Variants in HGSNAT observed in about 807,000 individuals in gnomAD.
HGSNAT encodes transmembrane protein 76.
Under a neutral mutation model 85.2 loss-of-function variants are expected in HGSNAT, and 59 were observed. The ratio of observed to expected loss-of-function variants is 0.69; its 90% CI spans 0.56 to 0.86. HGSNAT has a LOEUF of 0.86. Ranked by LOEUF, HGSNAT falls within the 40% of genes least tolerant of loss-of-function variation. The pLI is 0.00. For synonymous variants in HGSNAT, 321 were observed against 304.5 expected (o/e 1.05, Z -0.56); for missense variants, 756 against 777.1 (o/e 0.97, Z 0.32).
intron 13 of HGSNAT, among the ~76,000 whole-genome samples, chr8:43,193,505 G>T (rs1057035593): frequency 3.3e-5 from 5 of 152,198 alleles, no homozygotes; most frequent in African/African-American, 7.2e-5. Flanking sequence ...TGCCCCCGCT[G>T]CAATCACAGT....
intron 15 of HGSNAT, 128 bp downstream of exon 15, chr8:43,197,153 C>A: frequency 1.5e-6 from 1 of 671,062 alleles, no homozygotes; most frequent in Non-Finnish European, 2.7e-6. Flanking sequence ...ATTTTCTTCA[C>A]TTGAATAACA....
rs143241809 is a variant in HGSNAT at position 43,153,501 on chromosome 8, C to T, written c.235-5074C>T. Among the ~76,000 whole-genome samples, 130 of 152,156 alleles carry T rather than the reference C, an allele frequency of 8.5e-4. 1 individual carries two copies. The highest frequency in any genetic ancestry group is 1.7e-3 in the Non-Finnish European group (113 of 68,002). On this transcript the variant is annotated intron_variant, in intron 2 of 17. Transcript: ENST00000379644. ...AGCCACCGTGCCCAGCCAATGTACA[C>T]GTTGGGTAATGATCAAGTTAGGGTA...
At position 43,191,201 on chromosome 8, in the gene HGSNAT, A is replaced by G. The variant is rs114105087; in HGVS notation, c.1129-273A>G. 4.4e-3 allele frequency among the ~76,000 whole-genome samples: 667 copies of G among 152,272 alleles called. 8 individuals are homozygous for G. Among genetic ancestry groups the G allele is most frequent in the African/African-American group, 0.015 (639 of 41,548 alleles). On this transcript the variant is annotated intron_variant, in intron 11 of 17. Transcript: ENST00000379644. The stretch of plus-strand genomic sequence containing the variant: ...TTTTGCTGTTGTGAACAATGCTCCT[A>G]TATGTATGTGTACAAGTTTTTGTGT...
chr8:43,199,334 T>G, intron 17 of HGSNAT, 54 bp from the exon 18 acceptor site: 1 of 1,255,318 alleles, frequency 8.0e-7, no homozygotes, highest in Non-Finnish European at 1.1e-6. Flanking sequence ...AATAGATGGT[T>G]AGATGTGACT....
At chr8:43,165,227 T>C (rs1803397241) in intron 5 of HGSNAT, among the ~76,000 whole-genome samples, 2 of 152,096 alleles carry the variant, frequency 1.3e-5, no homozygotes, top group African/African-American at 2.4e-5. Context: ...ATATCTGTTA[T>C]GGTGATCTGT....
In HGSNAT at chr8:43,199,959, G is replaced by A. The variant is rs541493842; in HGVS notation, c.*390G>A. On this transcript the variant is annotated 3_prime_UTR_variant, in exon 18 of 18. Coordinates refer to ENST00000379644, the MANE Select transcript of HGSNAT (RefSeq NM_152419.3). ...GTTGCCCTGCAAACTTCCTTTCCAC[G>A]TGTACGCGCACACCAACACGAAATG... 6.7e-4 allele frequency: 106 copies of A among 158,480 alleles called. No individual in the cohort carries two copies. The Middle Eastern group carries it at 0.012, about 19-fold the overall frequency. The allele number at this position is 158,480 out of a possible 1,614,324, so 9.8% of individuals were successfully genotyped here. A position where few individuals can be genotyped will look rare whatever the true frequency, so the allele number is the denominator to read the frequency against.
chr8:43,168,892 C>T (rs182749194), intron 5 of HGSNAT, among the ~76,000 whole-genome samples: 203 of 152,234 alleles, frequency 1.3e-3, no homozygotes, highest in Middle Eastern at 6.8e-3. Flanking sequence ...ATCCCAGCCA[C>T]GGGGAATAGT....
At chr8:43,158,085 C>G (rs1212929026) in intron 2 of HGSNAT, among the ~76,000 whole-genome samples, 1 of 151,980 alleles carries the variant, frequency 6.6e-6, no homozygotes, top group Non-Finnish European at 1.5e-5. Flanking sequence ...CATAGTGACA[C>G]AGTGATTTTT....
Position 43,173,733 on chromosome 8 carries a change from G to A in HGSNAT, c.841G>A (p.Val281Met), listed in dbSNP as rs1287447019. 10 of 1,612,794 alleles carry A rather than the reference G, an allele frequency of 6.2e-6. No individual in the cohort carries two copies. Among genetic ancestry groups the A allele is most frequent in the South Asian group, 1.1e-5 (1 of 90,758 alleles). Residue 281 changes from valine to methionine, a missense_variant, in exon 9 of 18, where the codon GTG becomes ATG. Val to Met is a conservative substitution (Grantham distance 21). Coordinates refer to ENST00000379644, the MANE Select transcript of HGSNAT (RefSeq NM_152419.3). The part of the protein sequence containing the change: ...SWNGLTVADL[V>M]FPWFVFIMGS... ...TGCAGGGCTGACAGTGGCTGACCTC[G>A]TGTTCCCGTGGTGAGTTGCCGGTCT...
At chr8:43,195,513 G>A (rs1335640782) in intron 14 of HGSNAT, among the ~76,000 whole-genome samples, 1 of 148,296 alleles carries the variant, frequency 6.7e-6, no homozygotes, top group Non-Finnish European at 1.5e-5. Flanking sequence ...GGAGGAGGAG[G>A]AGGAAGAAGA....
At chr8:43,172,813 A>G (rs1405411761) in intron 8 of HGSNAT, among the ~76,000 whole-genome samples, 1 of 152,184 alleles carries the variant, frequency 6.6e-6, no homozygotes, top group East Asian at 1.9e-4. Context: ...GTGGTGAATA[A>G]TATCTGTAAG....
At chr8:43,156,076 G>A (rs546892649) in intron 2 of HGSNAT, among the ~76,000 whole-genome samples, 198 of 152,204 alleles carry the variant, frequency 1.3e-3, no homozygotes, top group African/African-American at 4.6e-3. Context: ...CTGACCTCAG[G>A]TGATCTGCCA....
chr8:43,197,067 A>G (rs1310763346), intron 15 of HGSNAT, 42 bp downstream of exon 15: 2 of 1,282,180 alleles, frequency 1.6e-6, no homozygotes, highest in Non-Finnish European at 2.3e-6. Flanking sequence ...TTTCCTTCAC[A>G]TGTATAGATA....
In HGSNAT at chr8:43,202,140, C is replaced by G. The variant is rs1424666548; in HGVS notation, c.*2571C>G. The G allele has an allele frequency of 6.5e-6, 1 of 152,864 alleles. No individual in the cohort carries two copies. The allele number at this position is 152,864 out of a possible 1,614,324, so 9.5% of individuals were successfully genotyped here. On this transcript the variant is annotated 3_prime_UTR_variant, in exon 18 of 18. Coordinates refer to ENST00000379644, the MANE Select transcript of HGSNAT (RefSeq NM_152419.3). Reference sequence around the variant, plus strand: ...GGGCTACAGGGGAGCTTCTCTAAGTCCTGCGGGAGGCCAGACCCAGCCTGA... The same window carrying G: ...GGGCTACAGGGGAGCTTCTCTAAGTGCTGCGGGAGGCCAGACCCAGCCTGA...
At chr8:43,176,758 T>A (rs1301540542) in intron 9 of HGSNAT, among the ~76,000 whole-genome samples, 2 of 152,212 alleles carry the variant, frequency 1.3e-5, no homozygotes, top group Non-Finnish European at 1.5e-5. Context: ...TAGAAATCCT[T>A]CTCTTCTTTG....
Position 43,199,503 on chromosome 8 carries a change from C to T in HGSNAT, c.1842C>T (p.Val614=), listed in dbSNP as rs374563604. Residue 614 remains valine, a synonymous_variant, in exon 18 of 18, where the codon GTC becomes GTT. Coordinates refer to ENST00000379644, the MANE Select transcript of HGSNAT (RefSeq NM_152419.3). The part of the protein sequence containing the change: ...SHKEHLTQNI[V]ATALWVLIAY... ...AGGAGCACCTGACTCAGAACATCGT[C>T]GCCACTGCCCTCTGGGTGCTCATTG... The T allele has an allele frequency of 1.9e-5, 30 of 1,610,200 alleles. No individual in the cohort carries two copies. The East Asian group carries it at 2.5e-4, about 13-fold the overall frequency.
At chr8:43,149,802 A>G (rs906255527) in intron 2 of HGSNAT, among the ~76,000 whole-genome samples, 2 of 152,166 alleles carry the variant, frequency 1.3e-5, no homozygotes, top group Non-Finnish European at 2.9e-5. Flanking sequence ...CATTTAGTAA[A>G]CCAGATAATA....
chr8:43,199,677 GT>G lies in HGSNAT; in HGVS notation c.*111del. ...TCATTAGGAAATTGACTGGCTGCGT[GT>G]TTACAGACTCTGGGGGAAGACACTG... On this transcript the variant is annotated 3_prime_UTR_variant, in exon 18 of 18. Coordinates refer to ENST00000379644, the MANE Select transcript of HGSNAT (RefSeq NM_152419.3). 1 of 814,658 alleles carries G rather than the reference GT, an allele frequency of 1.2e-6. No individual in the cohort carries two copies. Among genetic ancestry groups the G allele is most frequent in the Non-Finnish European group, 1.8e-6 (1 of 563,930 alleles). The allele number at this position is 814,658 out of a possible 1,614,324, so 50.5% of individuals were successfully genotyped here.
At chr8:43,148,533 A>C (rs990384473) in intron 2 of HGSNAT, among the ~76,000 whole-genome samples, 1 of 151,956 alleles carries the variant, frequency 6.6e-6, no homozygotes, top group African/African-American at 2.4e-5. Context: ...CACACCTGTA[A>C]TCCCAGCACT....
Sources: gnomAD v4.1 joint callset for allele counts (sites outside exome capture counted in the v4.1 genomes callset) on GRCh38, gnomAD v4.1.1 for gene constraint, MANE v1.5 for transcripts, NCBI Gene and HGNC (gene_info 2026-07-23, HGNC 2026-07-21) for gene names.